The following BICD1 variants were observed in gnomAD, a reference collection of about 807,000 sequenced individuals.
BICD1 encodes the protein BICD cargo adaptor 1.
BICD1 carries 35 observed loss-of-function variants against 92.5 expected under a neutral mutation model. The observed-to-expected ratio is 0.38, with a 90% CI of 0.29 to 0.50. The LOEUF is 0.50. Among genes scored for constraint, BICD1 ranks in the 20% least tolerant of loss-of-function variants. The probability of loss-of-function intolerance (pLI) is 0.93; values close to 1 mark genes in which losing one functional copy is unlikely to be tolerated. For missense variants in BICD1, 950 were observed against 1,189.8 expected (o/e 0.80, Z 2.97); for synonymous variants, 429 against 465.1 (o/e 0.92, Z 1.00).
In BICD1 at chr12:32,208,979, C is replaced by A. The variant is rs1258048910; in HGVS notation, c.214-7268C>A. Among the ~76,000 whole-genome samples, 4 of 152,064 alleles carry A rather than the reference C, an allele frequency of 2.6e-5. No individual in the cohort carries two copies. The East Asian group carries it at 7.7e-4, about 29-fold the overall frequency. ...CCTTCAGAGTAGCTGGGATTACAAG[C>A]ACCTGCCATCACAGCCGGCTAATTT... On this transcript the variant is annotated intron_variant, in intron 1 of 9. Coordinates refer to ENST00000652176, the MANE Select transcript of BICD1 (RefSeq NM_001714.4).
intron 1 of BICD1, among the ~76,000 whole-genome samples, chr12:32,181,212 G>C (rs1246113014): frequency 6.6e-6 from 1 of 151,666 alleles, no homozygotes; most frequent in Admixed American, 6.6e-5. Context: ...TTGAGGTCAG[G>C]AGTTCGAGAC....
intron 2 of BICD1, among the ~76,000 whole-genome samples, chr12:32,288,223 A>ATTTTT (rs34913740): frequency 1.3e-4 from 14 of 109,518 alleles, no homozygotes; most frequent in African/African-American, 3.3e-4. Context: ...CCAAGTCCTA[A>ATTTTT]TTTTTTTTTT....
intron 9 of BICD1, among the ~76,000 whole-genome samples, chr12:32,372,047 CAAAG>C (rs1939759820): frequency 1.3e-5 from 2 of 152,324 alleles, no homozygotes; most frequent in Non-Finnish European, 2.9e-5. Context: ...CTGTGAGGAG[CAAAG>C]TCAGAGTATG....
intron 4 of BICD1, among the ~76,000 whole-genome samples, chr12:32,306,389 G>A (rs1044261964): frequency 5.9e-5 from 9 of 151,814 alleles, no homozygotes; most frequent in East Asian, 2.0e-4. Flanking sequence ...GACTACAGGT[G>A]CCCGCCACCA....
intron 1 of BICD1, among the ~76,000 whole-genome samples, chr12:32,200,290 G>A (rs1206425615): frequency 1.3e-5 from 2 of 152,196 alleles, no homozygotes; most frequent in Admixed American, 6.5e-5. Context: ...TTTAAGTCAG[G>A]AAGTGGGAAG....
intron 1 of BICD1, among the ~76,000 whole-genome samples, chr12:32,137,643 A>G (rs1229687009): frequency 6.6e-6 from 1 of 152,124 alleles, no homozygotes; most frequent in Non-Finnish European, 1.5e-5. Context: ...CTACTGTATC[A>G]TAATAATACT....
intron 1 of BICD1, among the ~76,000 whole-genome samples, chr12:32,197,101 C>T (rs1944748630): frequency 6.6e-6 from 1 of 151,928 alleles, no homozygotes; most frequent in Admixed American, 6.6e-5. Context: ...CTCTGCCTCC[C>T]AGGTTCAAGA....
At chr12:32,116,508 C>CTATATATATATATATATATATATA (rs772917101) in intron 1 of BICD1, among the ~76,000 whole-genome samples, 1 of 94,218 alleles carries the variant, frequency 1.1e-5, no homozygotes, top group Non-Finnish European at 2.1e-5. Flanking sequence ...CTCTCTCTCT[C>CTATATATATATATATATATATATA]TCTATATATA....
At chr12:32,212,643 C>T (rs1000640911) in intron 1 of BICD1, among the ~76,000 whole-genome samples, 15 of 152,146 alleles carry the variant, frequency 9.9e-5, no homozygotes, top group Admixed American at 6.5e-4. Flanking sequence ...AGACTGGTTT[C>T]GAACGCCTGA....
chr12:32,120,061 T>A (rs1942086698), intron 1 of BICD1, among the ~76,000 whole-genome samples: 1 of 152,246 alleles, frequency 6.6e-6, no homozygotes, highest in African/African-American at 2.4e-5. Context: ...TTTAATTTTG[T>A]ATTCTTGAGT....
chr12:32,282,884 A>G (rs1198942848), intron 2 of BICD1, among the ~76,000 whole-genome samples: 1 of 152,232 alleles, frequency 6.6e-6, no homozygotes, highest in Non-Finnish European at 1.5e-5. Flanking sequence ...TGACGAGACC[A>G]GGTTCAGTGT....
intron 1 of BICD1, among the ~76,000 whole-genome samples, chr12:32,205,782 T>C (rs1945037376): frequency 6.8e-6 from 1 of 147,636 alleles, no homozygotes; most frequent in South Asian, 2.1e-4. Context: ...AATGAACATA[T>C]CCATGACTCT....
intron 8 of BICD1, among the ~76,000 whole-genome samples, chr12:32,342,108 ATT>A (rs1363306447): frequency 6.8e-6 from 1 of 147,506 alleles, no homozygotes; most frequent in Non-Finnish European, 1.5e-5. Context: ...TTTGATAAGC[ATT>A]GTTTTACATA....
At chr12:32,163,402 G>C (rs1041074555) in intron 1 of BICD1, among the ~76,000 whole-genome samples, 2 of 151,928 alleles carry the variant, frequency 1.3e-5, no homozygotes, top group African/African-American at 2.4e-5. Context: ...TGGAGAATTT[G>C]ACAATAAACA....
At chr12:32,159,854 G>A (rs925170221) in intron 1 of BICD1, among the ~76,000 whole-genome samples, 1 of 132,952 alleles carries the variant, frequency 7.5e-6, no homozygotes, top group African/African-American at 2.6e-5. Flanking sequence ...TCTACCTGTA[G>A]TTTGGGTTCT....
At chr12:32,173,045 G>GTT (rs542190430) in intron 1 of BICD1, among the ~76,000 whole-genome samples, 99 of 143,074 alleles carry the variant, frequency 6.9e-4, no homozygotes, top group Admixed American at 2.4e-3. Flanking sequence ...CAGAGGCAGA[G>GTT]TTTTTTTTTT....
At chr12:32,220,560 A>G (rs1338623016) in intron 2 of BICD1, among the ~76,000 whole-genome samples, 37 of 150,002 alleles carry the variant, frequency 2.5e-4, no homozygotes, top group Non-Finnish European at 4.0e-4. Flanking sequence ...TCTCACACCA[A>G]TTAGAATGGC....
intron 5 of BICD1, among the ~76,000 whole-genome samples, chr12:32,329,206 G>A (rs1422547341): frequency 6.6e-6 from 1 of 152,144 alleles, no homozygotes; most frequent in African/African-American, 2.4e-5. Context: ...CTGGGTTCAA[G>A]CGATTCTCAT....
chr12:32,164,138 C>T (rs1943682940), intron 1 of BICD1, among the ~76,000 whole-genome samples: 1 of 152,124 alleles, frequency 6.6e-6, no homozygotes, highest in African/African-American at 2.4e-5. Flanking sequence ...AATGTCACAG[C>T]TATAAGTTGG....
Sources: gnomAD v4.1 joint callset for allele counts (sites outside exome capture counted in the v4.1 genomes callset) on GRCh38, gnomAD v4.1.1 for gene constraint, MANE v1.5 for transcripts, NCBI Gene and HGNC (gene_info 2026-07-23, HGNC 2026-07-21) for gene names.